Variants in TRIM9 observed in about 807,000 individuals in gnomAD.
TRIM9 encodes the protein tripartite motif containing 9, also known as E3 ubiquitin-protein ligase TRIM9.
TRIM9 carries 26 observed loss-of-function variants against 78.3 expected under a neutral mutation model. That is an observed-to-expected ratio of 0.33 (90% CI 0.24 to 0.46). The LOEUF (loss-of-function observed/expected upper bound fraction) is 0.46, where lower values mean the gene tolerates loss of function less well. Among genes scored for constraint, TRIM9 ranks in the 20% least tolerant of loss-of-function variants. TRIM9 has a pLI of 1.00. For synonymous variants in TRIM9, 398 were observed against 416.5 expected (o/e 0.96, Z 0.54); for missense variants, 787 against 1,036.4 (o/e 0.76, Z 3.30).
intron 1 of TRIM9, among the ~76,000 whole-genome samples, chr14:51,040,131 T>A (rs2059467828): frequency 6.6e-6 from 1 of 152,164 alleles, no homozygotes; most frequent in Admixed American, 6.5e-5. Context: ...TAAAGTCTCT[T>A]TATTAAGACC....
chr14:51,076,719 C>G (rs534512780), intron 1 of TRIM9, among the ~76,000 whole-genome samples: 2 of 152,324 alleles, frequency 1.3e-5, no homozygotes, highest in East Asian at 1.9e-4. Flanking sequence ...ATCTTCGCAA[C>G]AGTCCTTGGT....
At position 51,094,448 on chromosome 14, in the gene TRIM9, C is replaced by T. The variant is rs148190328; in HGVS notation, c.492G>A (p.Ala164=). The change falls in exon 1 of 13, where the codon GCG becomes GCA. Residue 164 remains alanine (A), a synonymous_variant. Transcript: ENST00000684578. ...TCTCGCAGAGCTGGCACTTGAGGGCCGCGGCTTTGCTCTGCTGGTAGCGGT... is the reference window on the plus strand; with the variant it reads ...TCTCGCAGAGCTGGCACTTGAGGGCTGCGGCTTTGCTCTGCTGGTAGCGGT... ...VIDRYQQSKA[A]ALKCQLCEKA... 209 of 1,613,862 alleles carry T rather than the reference C, an allele frequency of 1.3e-4. 2 individuals carry two copies. The African/African-American group carries it at 1.4e-3, about 11-fold the overall frequency.
chr14:50,995,260 T>C (rs1021757244), intron 7 of TRIM9, among the ~76,000 whole-genome samples: 11 of 152,338 alleles, frequency 7.2e-5, no homozygotes, highest in Middle Eastern at 3.4e-3. Flanking sequence ...TGCTAATCCC[T>C]TTTCCCTGTT....
intron 3 of TRIM9, among the ~76,000 whole-genome samples, chr14:51,013,733 T>C (rs1566578482): frequency 1.3e-5 from 2 of 152,146 alleles, no homozygotes; most frequent in African/African-American, 4.8e-5. Flanking sequence ...CACCACCATA[T>C]GTTGGTCTGG....
chr14:51,056,725 G>A (rs1267589889), intron 1 of TRIM9, among the ~76,000 whole-genome samples: 1 of 152,158 alleles, frequency 6.6e-6, no homozygotes, highest in Non-Finnish European at 1.5e-5. Context: ...ACAATTCCAG[G>A]ATCATAATTG....
chr14:51,007,444 C>G (rs2055962828), intron 5 of TRIM9, among the ~76,000 whole-genome samples: 1 of 152,208 alleles, frequency 6.6e-6, no homozygotes, highest in Non-Finnish European at 1.5e-5. Flanking sequence ...GATGAATTCA[C>G]TTATTCCCTG....
At chr14:51,014,217 C>T (rs1279530260) in intron 3 of TRIM9, among the ~76,000 whole-genome samples, 1 of 152,186 alleles carries the variant, frequency 6.6e-6, no homozygotes, top group Non-Finnish European at 1.5e-5. Flanking sequence ...CTATAAATTT[C>T]CTTATCAAGC....
intron 1 of TRIM9, among the ~76,000 whole-genome samples, chr14:51,045,770 C>T (rs1182105259): frequency 6.6e-6 from 1 of 152,076 alleles, no homozygotes; most frequent in Non-Finnish European, 1.5e-5. Context: ...CAAATAGGTC[C>T]ATTATTTGTA....
At chr14:51,000,582 C>T (rs2054848791) in intron 6 of TRIM9, 101 bp downstream of exon 6, 5 of 1,513,886 alleles carry the variant, frequency 3.3e-6, no homozygotes, top group Non-Finnish European at 4.5e-6. Context: ...GATGGCCTGT[C>T]CCCAGGAGAG....
rs1006618956 is a variant in TRIM9 at position 51,002,569 on chromosome 14, A to T, written c.1307-1729T>A. 7.2e-5 allele frequency among the ~76,000 whole-genome samples: 11 copies of T among 152,322 alleles called. No homozygotes were observed. In the East Asian group the frequency reaches 2.1e-3, roughly 29 times the overall value. On this transcript the variant is annotated intron_variant, in intron 5 of 12. Transcript: ENST00000684578. ...ATATCCAGGGACATTTAGATGAACA[A>T]ATGTTCATCATGGAACACCTGGTAT...
intron 1 of TRIM9, among the ~76,000 whole-genome samples, chr14:51,073,624 C>T (rs964710700): frequency 6.6e-6 from 1 of 152,114 alleles, no homozygotes; most frequent in African/African-American, 2.4e-5. Context: ...TTATCCTTGC[C>T]AAGAGTGTGG....
chr14:51,023,414 C>T (rs1487863039), intron 2 of TRIM9, among the ~76,000 whole-genome samples: 2 of 152,084 alleles, frequency 1.3e-5, no homozygotes, highest in East Asian at 1.9e-4. Flanking sequence ...TAACAATAAT[C>T]CAATGAGAAC....
At chr14:51,019,408 T>C (rs2057532268) in intron 3 of TRIM9, among the ~76,000 whole-genome samples, 2 of 152,244 alleles carry the variant, frequency 1.3e-5, no homozygotes, top group Non-Finnish European at 2.9e-5. Context: ...AATTTACATT[T>C]CAAACAGTTT....
At chr14:51,023,178 A>T (rs1179098786) in intron 2 of TRIM9, among the ~76,000 whole-genome samples, 1 of 152,254 alleles carries the variant, frequency 6.6e-6, no homozygotes, top group Non-Finnish European at 1.5e-5. Context: ...ACTTAAATTT[A>T]TCAAAAGGAA....
chr14:51,086,139 T>C (rs1340361987), intron 1 of TRIM9, among the ~76,000 whole-genome samples: 1 of 152,172 alleles, frequency 6.6e-6, no homozygotes, highest in African/African-American at 2.4e-5. Context: ...GTCATTGAAG[T>C]TTGTAAGTTC....
intron 1 of TRIM9, among the ~76,000 whole-genome samples, chr14:51,083,512 T>C (rs2140322357): frequency 6.6e-6 from 1 of 152,236 alleles, no homozygotes; most frequent in East Asian, 1.9e-4. Context: ...CAAAGCACTG[T>C]GATTACAGGT....
At chr14:51,067,253 T>C (rs2061828680) in intron 1 of TRIM9, among the ~76,000 whole-genome samples, 1 of 152,204 alleles carries the variant, frequency 6.6e-6, no homozygotes, top group South Asian at 2.1e-4. Flanking sequence ...ATAGTCATCC[T>C]TGATTTCTCT....
At chr14:51,022,732 C>A (rs2057874404) in intron 3 of TRIM9, 103 bp downstream of exon 3, 1 of 1,533,048 alleles carries the variant, frequency 6.5e-7, no homozygotes. Context: ...CTGTGGGCAT[C>A]CTCTCCTCCT....
At chr14:51,030,917 C>A (rs1050814871) in intron 1 of TRIM9, among the ~76,000 whole-genome samples, 1 of 151,896 alleles carries the variant, frequency 6.6e-6, no homozygotes, top group African/African-American at 2.4e-5. Flanking sequence ...GAGGCCAAGG[C>A]GGGCGGATCA....
Sources: allele counts gnomAD v4.1 joint callset (sites outside exome capture counted in the v4.1 genomes callset), GRCh38; gene constraint gnomAD v4.1.1; transcripts MANE v1.5; gene names NCBI Gene and HGNC (gene_info 2026-07-23, HGNC 2026-07-21).